The following PDLIM5 variants were observed in gnomAD, a reference collection of about 807,000 sequenced individuals.
The protein encoded by PDLIM5 is PDZ and LIM domain 5, also known as PDZ and LIM domain protein 5.
Under a neutral mutation model 64.2 loss-of-function variants are expected in PDLIM5, and 34 were observed. The observed-to-expected ratio is 0.53, with a 90% CI of 0.40 to 0.71. The LOEUF (loss-of-function observed/expected upper bound fraction) is 0.71, where lower values mean the gene tolerates loss of function less well. Ranked by LOEUF, PDLIM5 falls within the 30% of genes least tolerant of loss-of-function variation. PDLIM5 has a pLI of 0.00. For missense variants in PDLIM5, 683 were observed against 733.6 expected (o/e 0.93, Z 0.80); for synonymous variants, 253 against 269.1 (o/e 0.94, Z 0.59).
chr4:94,590,380 A>T (rs1216347912), intron 7 of PDLIM5, among the ~76,000 whole-genome samples: 2 of 152,196 alleles, frequency 1.3e-5, no homozygotes, highest in Admixed American at 1.3e-4. Context: ...ATGTGTATTT[A>T]AAATCATATA....
chr4:94,466,071 C>T (rs1250253863), intron 2 of PDLIM5, among the ~76,000 whole-genome samples: 1 of 152,044 alleles, frequency 6.6e-6, no homozygotes, highest in African/African-American at 2.4e-5. Flanking sequence ...AAGTGATCCT[C>T]CTACCTCTAC....
chr4:94,607,522 T>A (rs1738023264), intron 7 of PDLIM5, among the ~76,000 whole-genome samples: 1 of 152,192 alleles, frequency 6.6e-6, no homozygotes, highest in South Asian at 2.1e-4. Context: ...AAATAGTTTG[T>A]TTACATCAAG....
At chr4:94,610,922 T>G (rs1307773712) in intron 7 of PDLIM5, 2 of 580,022 alleles carry the variant, frequency 3.4e-6, no homozygotes, top group African/African-American at 1.9e-5. Flanking sequence ...CATCCTCCTT[T>G]GCTGCTTTGT....
intron 3 of PDLIM5, among the ~76,000 whole-genome samples, chr4:94,540,255 C>T (rs1375345397): frequency 6.6e-6 from 1 of 151,820 alleles, no homozygotes; most frequent in Non-Finnish European, 1.5e-5. Flanking sequence ...GCCTCAGCCT[C>T]CTGAGTAGTC....
chr4:94,565,490 G>A (rs1474350356), intron 3 of PDLIM5, among the ~76,000 whole-genome samples: 1 of 152,132 alleles, frequency 6.6e-6, no homozygotes, highest in Non-Finnish European at 1.5e-5. Flanking sequence ...TGTCACCATC[G>A]ATAGTTGTAA....
intron 3 of PDLIM5, among the ~76,000 whole-genome samples, chr4:94,541,536 A>G (rs1237107737): frequency 2.0e-5 from 3 of 152,216 alleles, no homozygotes; most frequent in Admixed American, 6.5e-5. Flanking sequence ...TGGCAAGGAC[A>G]GTTTTGTGGG....
intron 2 of PDLIM5, among the ~76,000 whole-genome samples, chr4:94,461,524 G>T (rs1054401245): frequency 1.3e-5 from 2 of 149,874 alleles, no homozygotes; most frequent in East Asian, 2.0e-4. Context: ...TTATTAAGAG[G>T]TTTTTTTTTT....
At chr4:94,499,674 G>A (rs1411182211) in intron 2 of PDLIM5, among the ~76,000 whole-genome samples, 2 of 152,148 alleles carry the variant, frequency 1.3e-5, no homozygotes, top group Non-Finnish European at 2.9e-5. Context: ...GTTATGGATG[G>A]GTACAGATCC....
chr4:94,487,255 ATTAAAAGG>A (rs1726431486), intron 2 of PDLIM5, among the ~76,000 whole-genome samples: 1 of 152,222 alleles, frequency 6.6e-6, no homozygotes, highest in Non-Finnish European at 1.5e-5. Flanking sequence ...CAACCTTGTT[ATTAAAAGG>A]TATCAGTGCT....
At chr4:94,519,412 C>A (rs576041106) in intron 2 of PDLIM5, among the ~76,000 whole-genome samples, 2 of 152,280 alleles carry the variant, frequency 1.3e-5, no homozygotes, top group South Asian at 4.1e-4. Flanking sequence ...TCCTCATTTT[C>A]AAAGAGTGGA....
At chr4:94,513,634 T>C (rs1264146870) in intron 2 of PDLIM5, among the ~76,000 whole-genome samples, 1 of 152,160 alleles carries the variant, frequency 6.6e-6, no homozygotes, top group African/African-American at 2.4e-5. Context: ...ATTCTTCAGG[T>C]TTTTCCAAAT....
Position 94,666,436 on chromosome 4 carries a change from T to C in PDLIM5, c.*2369T>C, listed in dbSNP as rs1048627. On this transcript the variant is annotated 3_prime_UTR_variant, in exon 13 of 13. Transcript: ENST00000317968. ...AGTGCTGGAGCTGAATTCTGCATTA[T>C]TTATCGTTGCTGCTGAAACCACCTA... 0.35 allele frequency: 60,178 copies of C among 170,130 alleles called. 12,017 individuals carry two copies. Among genetic ancestry groups the C allele is most frequent in the South Asian group, 0.59 (3,228 of 5,430 alleles). The allele number at this position is 170,130 out of a possible 1,614,324, so 10.5% of individuals were successfully genotyped here.
chr4:94,500,462 T>C (rs1376317194), intron 2 of PDLIM5, among the ~76,000 whole-genome samples: 3 of 152,222 alleles, frequency 2.0e-5, no homozygotes, highest in Admixed American at 1.3e-4. Context: ...GAAAGTTTTA[T>C]GTAAGTTATA....
chr4:94,623,831 G>A (rs1739444899), intron 8 of PDLIM5, among the ~76,000 whole-genome samples: 1 of 152,172 alleles, frequency 6.6e-6, no homozygotes, highest in Non-Finnish European at 1.5e-5. Context: ...GTCTGCCAAA[G>A]GCTGCTATTA....
Position 94,654,719 on chromosome 4 carries a change from T to C in PDLIM5, c.1464+79T>C, listed in dbSNP as rs981503928. On this transcript the variant is annotated intron_variant, in intron 10 of 12. Transcript: ENST00000317968. ...TTGATATGAAAGTCTTCTATCACTTTAACTTTTTATTTTCTTCTTGCTTTA... is the reference window on the plus strand; with the variant it reads ...TTGATATGAAAGTCTTCTATCACTTCAACTTTTTATTTTCTTCTTGCTTTA... The C allele has an allele frequency of 1.6e-5, 14 of 901,918 alleles. No homozygotes were observed. The African/African-American group carries it at 2.4e-4, about 15-fold the overall frequency. The allele number at this position is 901,918 out of a possible 1,614,324, so 55.9% of individuals were successfully genotyped here. A position where few individuals can be genotyped will look rare whatever the true frequency, so the allele number is the denominator to read the frequency against.
intron 2 of PDLIM5, among the ~76,000 whole-genome samples, chr4:94,460,349 A>G (rs1257525533): frequency 1.3e-5 from 2 of 152,230 alleles, no homozygotes; most frequent in Non-Finnish European, 2.9e-5. Flanking sequence ...AAAAAAACGC[A>G]CTTATTTGAT....
At position 94,522,143 on chromosome 4, in the gene PDLIM5, C is replaced by G. The variant is rs190861074; in HGVS notation, c.97-1581C>G. On this transcript the variant is annotated intron_variant, in intron 2 of 12. Coordinates refer to ENST00000317968, the MANE Select transcript of PDLIM5 (RefSeq NM_006457.5). ...ATTTCTCAGATCAGTAATCTGAGGT[C>G]AAGGGAATAATAATACAGTAATAGC... 3.9e-5 allele frequency among the ~76,000 whole-genome samples: 6 copies of G among 152,136 alleles called. No individual in the cohort carries two copies. In the East Asian group the frequency reaches 1.2e-3, roughly 29 times the overall value.
At chr4:94,660,744 G>T (rs34507709) in intron 11 of PDLIM5, among the ~76,000 whole-genome samples, 54,032 of 151,880 alleles carry the variant, frequency 0.36, 10,678 homozygotes, top group South Asian at 0.59. Context: ...GCCAAGTAAG[G>T]TTAATCGAGT....
intron 3 of PDLIM5, among the ~76,000 whole-genome samples, chr4:94,570,131 A>T (rs1002838912): frequency 6.6e-6 from 1 of 152,100 alleles, no homozygotes; most frequent in Non-Finnish European, 1.5e-5. Context: ...TTATAATTAG[A>T]TATGCTTAGA....
Sources: gnomAD v4.1 joint callset for allele counts (sites outside exome capture counted in the v4.1 genomes callset) on GRCh38, gnomAD v4.1.1 for gene constraint, MANE v1.5 for transcripts, NCBI Gene and HGNC (gene_info 2026-07-23, HGNC 2026-07-21) for gene names.